The following PRKN variants were observed in gnomAD, a reference collection of about 807,000 sequenced individuals.
PRKN encodes E3 ubiquitin-protein ligase parkin.
In PRKN, 56 loss-of-function variants were observed where a neutral mutation model predicts 59.5. The ratio of observed to expected loss-of-function variants is 0.94; its 90% CI spans 0.76 to 1.18. The LOEUF is 1.18. Among genes scored for constraint, PRKN ranks in the 50% most tolerant of loss-of-function variants. PRKN has a pLI of 0.00. For synonymous variants in PRKN, 250 were observed against 222.1 expected (o/e 1.13, Z -1.12); for missense variants, 657 against 596.4 (o/e 1.10, Z -1.06).
At chr6:162,206,976 C>G (rs113505557) in intron 3 of PRKN, among the ~76,000 whole-genome samples, 33 of 152,246 alleles carry the variant, frequency 2.2e-4, no homozygotes, top group African/African-American at 7.7e-4. Flanking sequence ...TCTAGTTTAA[C>G]CAATATGTAC....
intron 1 of PRKN, among the ~76,000 whole-genome samples, chr6:162,549,111 C>A (rs2128202858): frequency 6.6e-6 from 1 of 152,044 alleles, no homozygotes; most frequent in South Asian, 2.1e-4. Flanking sequence ...AGGGTAGAAC[C>A]CTCATGAGTG....
intron 1 of PRKN, among the ~76,000 whole-genome samples, chr6:162,645,146 AT>A (rs1293447862): frequency 2.0e-5 from 3 of 152,090 alleles, no homozygotes; most frequent in Non-Finnish European, 4.4e-5. Flanking sequence ...TTTATTTACA[AT>A]TTTGTTGACT....
chr6:162,696,122 A>AGG (rs1777957570), intron 1 of PRKN, among the ~76,000 whole-genome samples: 2 of 152,226 alleles, frequency 1.3e-5, no homozygotes, highest in Admixed American at 1.3e-4. Flanking sequence ...AAAAAGAGAG[A>AGG]GAAAAACAGT....
chr6:162,599,522 A>G (rs910128085), intron 1 of PRKN, among the ~76,000 whole-genome samples: 9 of 151,460 alleles, frequency 5.9e-5, no homozygotes, highest in Middle Eastern at 3.2e-3. Flanking sequence ...AACAACAACA[A>G]AAAGCAGTCT....
chr6:161,463,453 G>T lies in PRKN; in HGVS notation c.1084-76576C>A, dbSNP rs1790309856. Among the ~76,000 whole-genome samples, 1 of 152,162 alleles carries T rather than the reference G, an allele frequency of 6.6e-6. No individual in the cohort carries two copies. The highest frequency in any genetic ancestry group is 2.4e-5 in the African/African-American group (1 of 41,432). On this transcript the variant is annotated intron_variant, in intron 9 of 11. Coordinates refer to ENST00000366898, the MANE Select transcript of PRKN (RefSeq NM_004562.3). This position sits in a 1 kb window ranked among gnomAD's most constrained non-coding sequence, Gnocchi z 4.8. The stretch of plus-strand genomic sequence containing the variant: ...TGGCCATATCATCCTGCCCCTCCTT[G>T]ATTTTGGACAGGATGCATTTGGGAT...
chr6:161,350,298 C>T, intron 11 of PRKN, 87 bp from the exon 12 acceptor site: 1 of 851,508 alleles, frequency 1.2e-6, no homozygotes, highest in African/African-American at 1.7e-5. Context: ...CTAGCCTAGA[C>T]ATCACTTTCT....
In PRKN at chr6:161,594,158, G is replaced by A. The variant is rs554012852; in HGVS notation, c.872-24742C>T. ...AGCCTGGGTGACAGAGCAAGACTCC[G>A]TCTCAAAAAAACAAACAAAAAAAGA... On this transcript the variant is annotated intron_variant, in intron 7 of 11. Coordinates refer to ENST00000366898, the MANE Select transcript of PRKN (RefSeq NM_004562.3). 4.6e-5 allele frequency among the ~76,000 whole-genome samples: 7 copies of A among 152,100 alleles called. No individual in the cohort carries two copies. The South Asian group carries it at 8.3e-4, about 18-fold the overall frequency.
In PRKN at chr6:161,584,489, A is replaced by T. The variant is rs1702902347; in HGVS notation, c.872-15073T>A. Among the ~76,000 whole-genome samples, 1 of 152,234 alleles carries T rather than the reference A, an allele frequency of 6.6e-6. No individual in the cohort carries two copies. The highest frequency in any genetic ancestry group is 1.5e-5 in the Non-Finnish European group (1 of 68,048). On this transcript the variant is annotated intron_variant, in intron 7 of 11. Transcript: ENST00000366898. The surrounding 1 kb of genome is among the most constrained non-coding windows in gnomAD (Gnocchi z 4.8). ...ATCTTCATGTGCCAAATTGGGGGAAAAAACCTTATGGCTGGCCTGTTATTA... is the reference window on the plus strand; with the variant it reads ...ATCTTCATGTGCCAAATTGGGGGAATAAACCTTATGGCTGGCCTGTTATTA...
intron 4 of PRKN, among the ~76,000 whole-genome samples, chr6:162,126,424 G>T (rs536195705): frequency 6.6e-6 from 1 of 152,124 alleles, no homozygotes; most frequent in Admixed American, 6.6e-5. Context: ...AATTGGTTTC[G>T]ATTGATTTAA....
chr6:161,701,086 C>G (rs369070484), intron 7 of PRKN, among the ~76,000 whole-genome samples: 1 of 152,090 alleles, frequency 6.6e-6, no homozygotes, highest in Non-Finnish European at 1.5e-5. Flanking sequence ...TAAATATACA[C>G]GTTGATCACT....
At chr6:162,106,823 C>T (rs1202223728) in intron 4 of PRKN, among the ~76,000 whole-genome samples, 2 of 152,112 alleles carry the variant, frequency 1.3e-5, no homozygotes, top group East Asian at 1.9e-4. Context: ...ACAAGTGTCA[C>T]GATGTTGTAT....
At chr6:161,672,372 T>C (rs1384794189) in intron 7 of PRKN, among the ~76,000 whole-genome samples, 3 of 152,254 alleles carry the variant, frequency 2.0e-5, no homozygotes. Flanking sequence ...TTAATAACTA[T>C]AAATAATGTA....
At chr6:161,860,366 A>G (rs866124682) in intron 6 of PRKN, among the ~76,000 whole-genome samples, 1 of 152,202 alleles carries the variant, frequency 6.6e-6, no homozygotes, top group African/African-American at 2.4e-5. Context: ...CCATGTATGC[A>G]TGCAATTGTA....
intron 4 of PRKN, among the ~76,000 whole-genome samples, chr6:162,156,689 C>T (rs1170523105): frequency 6.6e-6 from 1 of 152,154 alleles, no homozygotes; most frequent in African/African-American, 2.4e-5. Flanking sequence ...AGTCCACTGA[C>T]TTAAAAGTTA....
intron 1 of PRKN, 130 bp downstream of exon 1, chr6:162,727,532 A>G (rs2128242997): frequency 1.9e-6 from 2 of 1,038,266 alleles, no homozygotes; most frequent in Non-Finnish European, 2.8e-6. Context: ...CGGGCCGGGG[A>G]CGGCACGGGC....
chr6:162,600,888 G>C (rs1377660703), intron 1 of PRKN, among the ~76,000 whole-genome samples: 1 of 145,218 alleles, frequency 6.9e-6, no homozygotes, highest in East Asian at 2.6e-4. Context: ...ACAACTTGCA[G>C]AACCATAAGC....
At chr6:161,479,323 G>A (rs558521926) in intron 9 of PRKN, among the ~76,000 whole-genome samples, 1 of 152,266 alleles carries the variant, frequency 6.6e-6, no homozygotes, top group South Asian at 2.1e-4. Flanking sequence ...AAAGTTTCAA[G>A]TGTGGGTATG....
intron 1 of PRKN, among the ~76,000 whole-genome samples, chr6:162,529,387 C>G (rs1426664800): frequency 3.9e-5 from 6 of 152,120 alleles, no homozygotes; most frequent in Non-Finnish European, 8.8e-5. Context: ...TCTCCAAATT[C>G]CCCTGCCAAA....
rs538276798 is a variant in PRKN at position 162,696,842 on chromosome 6, A to G, written c.7+30820T>C. On this transcript the variant is annotated intron_variant, in intron 1 of 11. Transcript: ENST00000366898. ...ACTAGAGGTATGAGCTACCGCACTT[A>G]GCCAGGAAGAACTTTTAAAAAACAA... Among the ~76,000 whole-genome samples, 318 of 152,190 alleles carry G rather than the reference A, an allele frequency of 2.1e-3. 1 individual carries two copies. Among genetic ancestry groups the G allele is most frequent in the Non-Finnish European group, 3.5e-3 (236 of 67,990 alleles).
Sources: gnomAD v4.1 joint callset for allele counts (sites outside exome capture counted in the v4.1 genomes callset) on GRCh38, gnomAD v4.1.1 for gene constraint, Gnocchi (gnomAD v3.1) non-coding constraint, MANE v1.5 for transcripts, NCBI Gene and HGNC (gene_info 2026-07-23, HGNC 2026-07-21) for gene names.